SCPEP1: variants seen among roughly 807,000 people sequenced by gnomAD.
SCPEP1 encodes the protein retinoid-inducible serine carboxypeptidase.
SCPEP1 carries 51 observed loss-of-function variants against 63.8 expected under a neutral mutation model. The ratio of observed to expected loss-of-function variants is 0.80; its 90% CI spans 0.64 to 1.01. The LOEUF is 1.01. Among genes scored for constraint, SCPEP1 ranks in the 50% least tolerant of loss-of-function variants. SCPEP1 has a pLI of 0.00. For synonymous variants in SCPEP1, 204 were observed against 207.8 expected, an observed-to-expected ratio of 0.98 and a Z score of 0.16; for missense variants, 499 against 554.9, an observed-to-expected ratio of 0.90 and a Z score of 1.01.
chr17:56,995,437 C>G, intron 7 of SCPEP1, 70 bp from the exon 8 acceptor site: 2 of 1,544,738 alleles, frequency 1.3e-6, no homozygotes, highest in Non-Finnish European at 1.8e-6. Context: ...CTACCCCTCC[C>G]TAACTGCAGC....
intron 2 of SCPEP1, among the ~76,000 whole-genome samples, chr17:56,982,375 A>C (rs1484064699): frequency 2.0e-5 from 3 of 152,174 alleles, no homozygotes; most frequent in Non-Finnish European, 4.4e-5. Flanking sequence ...CTTTCTGGTG[A>C]GATAGAGCGA....
At chr17:57,005,700 G>A (rs568715049) in intron 12 of SCPEP1, among the ~76,000 whole-genome samples, 2 of 152,298 alleles carry the variant, frequency 1.3e-5, no homozygotes, top group African/African-American at 2.4e-5. Flanking sequence ...GAATAACTGC[G>A]AAAATCGGAT....
chr17:56,995,510 C>CCG lies in SCPEP1; in HGVS notation c.661_662insCG (p.Leu221ProfsTer19). Reference sequence around the variant, plus strand: ...TTGCTCTTGGTTTGCATTCCAGTCTCTTCTCGAAGACAAAGGTCTGGCAGA... The same window carrying CCG: ...TTGCTCTTGGTTTGCATTCCAGTCTCCGTTCTCGAAGACAAAGGTCTGGCAGA... On this transcript the variant is annotated frameshift_variant, in exon 8 of 13. Transcript: ENST00000262288. LOFTEE classifies it high-confidence loss of function. 1 of 1,612,104 alleles carries CCG rather than the reference C, an allele frequency of 6.2e-7. No homozygotes were observed. The highest frequency in any genetic ancestry group is 8.5e-7 in the Non-Finnish European group (1 of 1,179,468).
rs752658125 is a variant in SCPEP1, at chr17:56,981,207, CT to C, written c.203del (p.Leu68ArgfsTer58). 6.2e-7 allele frequency: 1 copy of C among 1,614,082 alleles called. No homozygotes were observed. Among genetic ancestry groups the C allele is most frequent in the African/African-American group, 1.3e-5 (1 of 74,934 alleles). On this transcript the variant is annotated frameshift_variant, in exon 2 of 13. Transcript: ENST00000262288. LOFTEE classifies it high-confidence loss of function. ...ATNSCKNFSE[L>X]PLVMWLQGGP... ...CAACTCCTGCAAGAACTTCTCAGAACTGCCCCTGGTCATGTGGCTTCAGGTA... is the reference window on the plus strand; with the variant it reads ...CAACTCCTGCAAGAACTTCTCAGAACGCCCCTGGTCATGTGGCTTCAGGTA...
chr17:56,997,102 CA>C (rs750075480), intron 9 of SCPEP1, 47 bp downstream of exon 9: 2 of 1,085,584 alleles, frequency 1.8e-6, no homozygotes, highest in Non-Finnish European at 2.6e-6. Flanking sequence ...AGCCTCCATG[CA>C]AAAAGAAACC....
At chr17:57,002,996 C>T (rs1204192078) in intron 12 of SCPEP1, among the ~76,000 whole-genome samples, 1 of 152,126 alleles carries the variant, frequency 6.6e-6, no homozygotes, top group Non-Finnish European at 1.5e-5. Context: ...GAGTGGTGCC[C>T]AGTCCCTGTC....
chr17:57,006,230 G>A lies in SCPEP1; in HGVS notation c.1354G>A (p.Glu452Lys), dbSNP rs1567871791. Residue 452 changes from glutamate to lysine, a missense_variant, in exon 13 of 13, where the codon GAA (glutamate) becomes AAA (lysine). Physicochemically the swap from Glu to Lys is moderately conservative, Grantham distance 56. Transcript: ENST00000262288. ...GATGATGAGACTGGTGACTCAGCAA[G>A]AATAGGATGGATGGGGCTGGAGATG... ...LKMMRLVTQQ[E>K] 4 of 1,611,530 alleles carry A rather than the reference G, an allele frequency of 2.5e-6. No individual in the cohort carries two copies. In the African/African-American group the frequency reaches 5.3e-5, roughly 22 times the overall value.
At chr17:56,998,911 G>A (rs943267988) in intron 10 of SCPEP1, among the ~76,000 whole-genome samples, 1 of 152,120 alleles carries the variant, frequency 6.6e-6, no homozygotes, top group African/African-American at 2.4e-5. Flanking sequence ...CTATGATTAT[G>A]CCACTGCTCT....
intron 3 of SCPEP1, among the ~76,000 whole-genome samples, chr17:56,985,882 T>A (rs977506957): frequency 6.6e-6 from 1 of 152,112 alleles, no homozygotes; most frequent in African/African-American, 2.4e-5. Flanking sequence ...TCTCTCTTGC[T>A]GCCCTTCTCA....
chr17:56,987,762 G>A lies in SCPEP1; in HGVS notation c.383G>A (p.Ser128Asn), dbSNP rs142998716. 2.5e-6 allele frequency: 4 copies of A among 1,614,138 alleles called. No homozygotes were observed. In the African/African-American group the frequency reaches 4.0e-5, roughly 16 times the overall value. ...VGTGFSYVNG[S>N]GAYAKDLAMV... Reference sequence around the variant, plus strand: ...ACTGGGTTCAGTTATGTGAATGGTAGTGGTGCCTATGCCAAGGACCTGGCT... The same window carrying A: ...ACTGGGTTCAGTTATGTGAATGGTAATGGTGCCTATGCCAAGGACCTGGCT... Residue 128 changes from serine (S) to asparagine (N), a missense_variant, in exon 4 of 13, where the codon AGT becomes AAT. Coordinates refer to ENST00000262288, the MANE Select transcript of SCPEP1 (RefSeq NM_021626.3).
At chr17:56,994,823 C>T in intron 6 of SCPEP1, 158 bp from the exon 7 acceptor site, 1 of 595,628 alleles carries the variant, frequency 1.7e-6, no homozygotes, top group Non-Finnish European at 3.1e-6. Context: ...ATCAGCCCGC[C>T]TCCTGCATGG....
rs144587902 is a variant in SCPEP1, at chr17:56,997,852, A to G, written c.881-533A>G. On this transcript the variant is annotated intron_variant, in intron 9 of 12. Coordinates refer to ENST00000262288, the MANE Select transcript of SCPEP1 (RefSeq NM_021626.3). ...AAATTCTGCCATTACTTTTAATGGC[A>G]AAAACCGCAGTTACTTGTGCACCAA... 8.9e-3 allele frequency: 1,360 copies of G among 152,810 alleles called. 28 individuals are homozygous for G. The highest frequency in any genetic ancestry group is 0.032 in the African/African-American group (1,315 of 41,424). The allele number at this position is 152,810 out of a possible 1,614,324, so 9.5% of individuals were successfully genotyped here. A position where few individuals can be genotyped will look rare whatever the true frequency, so the allele number is the denominator to read the frequency against.
At chr17:56,999,566 G>A (rs1449505351) in intron 10 of SCPEP1, among the ~76,000 whole-genome samples, 1 of 152,166 alleles carries the variant, frequency 6.6e-6, no homozygotes, top group Non-Finnish European at 1.5e-5. Flanking sequence ...AGCTTTCTCA[G>A]GGGACATGGG....
At position 57,006,465 on chromosome 17, in the gene SCPEP1, T is replaced by A; in HGVS notation, c.*230T>A. The stretch of plus-strand genomic sequence containing the variant: ...TTTTTAAAAAATTGATTTGTTTTGA[T>A]CAAAATAAAGGATGATAATAGATAT... On this transcript the variant is annotated 3_prime_UTR_variant, in exon 13 of 13. Coordinates refer to ENST00000262288, the MANE Select transcript of SCPEP1 (RefSeq NM_021626.3). 1 of 354,602 alleles carries A rather than the reference T, an allele frequency of 2.8e-6. No homozygotes were observed. Among genetic ancestry groups the A allele is most frequent in the Non-Finnish European group, 5.0e-6 (1 of 198,264 alleles). 22.0% of individuals were successfully genotyped at this position (354,602 alleles called of 1,614,324 possible). A position where few individuals can be genotyped will look rare whatever the true frequency, so the allele number is the denominator to read the frequency against.
intron 5 of SCPEP1, among the ~76,000 whole-genome samples, chr17:56,990,732 T>G (rs1052481017): frequency 1.8e-3 from 81 of 44,088 alleles, no homozygotes; most frequent in Admixed American, 3.0e-3. Flanking sequence ...CCTCCTGGGC[T>G]CAAGTATCCT....
At chr17:56,996,528 A>ATT (rs894871660) in intron 8 of SCPEP1, among the ~76,000 whole-genome samples, 1 of 145,248 alleles carries the variant, frequency 6.9e-6, no homozygotes, top group Admixed American at 7.0e-5. Flanking sequence ...TTTCTTTTTT[A>ATT]TTTTTTTTTG....
At chr17:57,004,204 C>A (rs1430989452) in intron 12 of SCPEP1, among the ~76,000 whole-genome samples, 1 of 152,154 alleles carries the variant, frequency 6.6e-6, no homozygotes, top group Admixed American at 6.5e-5. Context: ...CCAGCCTGGG[C>A]AACAGAGTGA....
chr17:57,001,678 G>A (rs908428791), intron 11 of SCPEP1, among the ~76,000 whole-genome samples: 7 of 152,180 alleles, frequency 4.6e-5, no homozygotes, highest in African/African-American at 9.7e-5. Context: ...TCACTATCTC[G>A]TTCACGACAT....
At position 57,002,159 on chromosome 17, in the gene SCPEP1, G is replaced by T; in HGVS notation, c.1274G>T (p.Trp425Leu). 2 of 1,613,768 alleles carry T rather than the reference G, an allele frequency of 1.2e-6. No individual in the cohort carries two copies. The highest frequency in any genetic ancestry group is 1.7e-6 in the Non-Finnish European group (2 of 1,179,896). Residue 425 changes from tryptophan (W) to leucine (L), a missense_variant, in exon 12 of 13, where the codon TGG becomes TTG. Transcript: ENST00000262288. ...TCCTACAAGAACCTTGCTTTCTACT[G>T]GATTCTGAAAGCTGGTCATATGGTA... The part of the protein sequence containing the change: ...VKSYKNLAFY[W>L]ILKAGHMVPS...
Sources: allele counts gnomAD v4.1 joint callset (sites outside exome capture counted in the v4.1 genomes callset), GRCh38; gene constraint gnomAD v4.1.1; transcripts MANE v1.5; gene names NCBI Gene and HGNC (gene_info 2026-07-23, HGNC 2026-07-21).